The following TRPS1 variants were observed in gnomAD, a reference collection of about 807,000 sequenced individuals.
TRPS1 encodes zinc finger transcription factor Trps1.
Under a neutral mutation model 101.2 loss-of-function variants are expected in TRPS1, and 6 were observed. That is an observed-to-expected ratio of 0.06 (90% CI 0.03 to 0.12). The LOEUF (loss-of-function observed/expected upper bound fraction) is 0.12. Among genes scored for constraint, TRPS1 ranks in the 10% least tolerant of loss-of-function variants. TRPS1 has a pLI of 1.00. For missense variants in TRPS1, 1,363 were observed against 1,567.0 expected (o/e 0.87, Z 2.20); for synonymous variants, 578 against 589.8 (o/e 0.98, Z 0.29).
At chr8:115,612,653 A>G (rs1818196671) in intron 3 of TRPS1, among the ~76,000 whole-genome samples, 1 of 152,206 alleles carries the variant, frequency 6.6e-6, no homozygotes, top group Non-Finnish European at 1.5e-5. Context: ...AGATTCCCAG[A>G]TATGTTCCTG....
At chr8:115,503,932 T>C (rs1417415451) in intron 5 of TRPS1, among the ~76,000 whole-genome samples, 3 of 152,206 alleles carry the variant, frequency 2.0e-5, no homozygotes, top group Admixed American at 6.5e-5. Flanking sequence ...CTCTTATTAT[T>C]ATAGACAATA....
chr8:115,601,596 A>G (rs1817909196), intron 4 of TRPS1, among the ~76,000 whole-genome samples: 1 of 152,226 alleles, frequency 6.6e-6, no homozygotes, highest in Non-Finnish European at 1.5e-5. Context: ...TTTAAACATA[A>G]GTGCAAGAAT....
chr8:115,634,573 A>G (rs1446759964), intron 1 of TRPS1, among the ~76,000 whole-genome samples: 1 of 152,160 alleles, frequency 6.6e-6, no homozygotes, highest in East Asian at 1.9e-4. Context: ...TCACCTAAAC[A>G]GTACTGGTAT....
Position 115,413,752 on chromosome 8 carries a change from C to T in TRPS1, c.*271G>A. 2.3e-6 allele frequency: 1 copy of T among 428,664 alleles called. No homozygotes were observed. The highest frequency in any genetic ancestry group is 4.1e-5 in the Admixed American group (1 of 24,522). The allele number at this position is 428,664 out of a possible 1,614,324, so 26.6% of individuals were successfully genotyped here. A position where few individuals can be genotyped will look rare whatever the true frequency, so the allele number is the denominator to read the frequency against. Reference sequence around the variant, plus strand: ...TGATATCTCTTATGGATTATTTCCCCAGTACATATTAGCCAAGATGGTTTT... The same window carrying T: ...TGATATCTCTTATGGATTATTTCCCTAGTACATATTAGCCAAGATGGTTTT... On this transcript the variant is annotated 3_prime_UTR_variant, in exon 7 of 7. Coordinates refer to ENST00000395715, the MANE Select transcript of TRPS1 (RefSeq NM_014112.5).
At chr8:115,496,943 C>T (rs1815163587) in intron 5 of TRPS1, among the ~76,000 whole-genome samples, 1 of 152,128 alleles carries the variant, frequency 6.6e-6, no homozygotes, top group Non-Finnish European at 1.5e-5. Context: ...AGTTATGATG[C>T]TAAAAATTAC....
At chr8:115,466,078 A>C (rs560048104) in intron 5 of TRPS1, among the ~76,000 whole-genome samples, 41 of 152,214 alleles carry the variant, frequency 2.7e-4, no homozygotes, top group African/African-American at 7.2e-4. Flanking sequence ...TAAACGTTCT[A>C]TATATTATCG....
chr8:115,587,303 CACTGGA>C lies in TRPS1; in HGVS notation c.2392_2397del (p.Ser798_Ser799del). ...CTCCAAGTCACATTGCGAAGGTCATCACTGGAACTCTCGGTCCAAACTTTCTCTTTG... is the reference window on the plus strand; with the variant it reads ...CTCCAAGTCACATTGCGAAGGTCATCACTCTCGGTCCAAACTTTCTCTTTG... On this transcript the variant is annotated inframe_deletion, in exon 5 of 7. Coordinates refer to ENST00000395715, the MANE Select transcript of TRPS1 (RefSeq NM_014112.5). The C allele has an allele frequency of 1.2e-6, 2 of 1,614,210 alleles. No homozygotes were observed. Among genetic ancestry groups the C allele is most frequent in the Non-Finnish European group, 1.7e-6 (2 of 1,180,040 alleles).
At chr8:115,598,047 T>C (rs923478449) in intron 4 of TRPS1, among the ~76,000 whole-genome samples, 7 of 152,200 alleles carry the variant, frequency 4.6e-5, no homozygotes, top group African/African-American at 1.7e-4. Flanking sequence ...ACAATTTTTA[T>C]AGATTTTACT....
At chr8:115,576,286 T>TATACAG (rs1368811732) in intron 5 of TRPS1, among the ~76,000 whole-genome samples, 1 of 130,612 alleles carries the variant, frequency 7.7e-6, no homozygotes, top group East Asian at 2.4e-4. Flanking sequence ...TTCATATATA[T>TATACAG]ATATAGATAT....
intron 5 of TRPS1, among the ~76,000 whole-genome samples, chr8:115,470,214 A>G (rs1814432759): frequency 6.6e-6 from 1 of 152,224 alleles, no homozygotes; most frequent in African/African-American, 2.4e-5. Flanking sequence ...GAGGACTTCA[A>G]TCATACTTGC....
intron 1 of TRPS1, among the ~76,000 whole-genome samples, chr8:115,633,066 G>A (rs912565135): frequency 6.6e-6 from 1 of 152,080 alleles, no homozygotes; most frequent in Admixed American, 6.6e-5. Context: ...CCTTTGAGCT[G>A]CGATATTTTG....
intron 1 of TRPS1, among the ~76,000 whole-genome samples, chr8:115,658,725 C>T (rs1811731436): frequency 6.6e-6 from 1 of 152,012 alleles, no homozygotes; most frequent in Non-Finnish European, 1.5e-5. Context: ...ACATGATGTA[C>T]ATAAATGTAC....
intron 5 of TRPS1, among the ~76,000 whole-genome samples, chr8:115,581,500 T>A (rs564046034): frequency 1.3e-5 from 2 of 152,106 alleles, no homozygotes; most frequent in Non-Finnish European, 2.9e-5. Context: ...AACAGCACTA[T>A]GTTCCCCACA....
chr8:115,510,300 T>C (rs765226889), intron 5 of TRPS1, among the ~76,000 whole-genome samples: 2 of 151,988 alleles, frequency 1.3e-5, no homozygotes, highest in African/African-American at 4.8e-5. Flanking sequence ...TGGCTGGTTA[T>C]GGACTTATCC....
intron 5 of TRPS1, among the ~76,000 whole-genome samples, chr8:115,561,735 G>C (rs1454695162): frequency 1.3e-5 from 2 of 151,850 alleles, no homozygotes; most frequent in Non-Finnish European, 2.9e-5. Flanking sequence ...ACGAATGCAT[G>C]CAAGAAAAAT....
At chr8:115,478,570 G>A (rs767660132) in intron 5 of TRPS1, among the ~76,000 whole-genome samples, 3 of 151,992 alleles carry the variant, frequency 2.0e-5, no homozygotes, top group Non-Finnish European at 2.9e-5. Flanking sequence ...TTGGGAGGTC[G>A]AGGCAGGTGG....
intron 4 of TRPS1, among the ~76,000 whole-genome samples, chr8:115,591,700 G>A (rs1243433382): frequency 1.3e-5 from 2 of 152,154 alleles, no homozygotes; most frequent in East Asian, 3.9e-4. Flanking sequence ...GTGGGGATAG[G>A]AATAAAGTAC....
At chr8:115,617,908 A>C (rs919173207) in intron 3 of TRPS1, among the ~76,000 whole-genome samples, 1 of 152,216 alleles carries the variant, frequency 6.6e-6, no homozygotes, top group Non-Finnish European at 1.5e-5. Flanking sequence ...CTGGTGTTTT[A>C]AGAGTTCTTT....
chr8:115,587,787 G>C (rs566651427), intron 4 of TRPS1, among the ~76,000 whole-genome samples, 183 bp from the exon 5 acceptor site: 19 of 152,138 alleles, frequency 1.2e-4, no homozygotes, highest in Non-Finnish European at 2.2e-4. Flanking sequence ...TCTATATAAA[G>C]AGTTCAAAGT....
Sources: gnomAD v4.1 joint callset for allele counts (sites outside exome capture counted in the v4.1 genomes callset) on GRCh38, gnomAD v4.1.1 for gene constraint, MANE v1.5 for transcripts, NCBI Gene and HGNC (gene_info 2026-07-23, HGNC 2026-07-21) for gene names.